The following SIAE variants were observed in gnomAD, a reference collection of about 807,000 sequenced individuals.
SIAE encodes the protein sialate O-acetylesterase.
Under a neutral mutation model 52.6 loss-of-function variants are expected in SIAE, and 39 were observed. The observed-to-expected ratio is 0.74, with a 90% CI of 0.57 to 0.97. The LOEUF (loss-of-function observed/expected upper bound fraction) is 0.97, where lower values mean the gene tolerates loss of function less well. SIAE is among the 50% of genes least tolerant of loss of function. The probability of loss-of-function intolerance (pLI) is 0.00; values close to 1 mark genes in which losing one functional copy is unlikely to be tolerated. For missense variants in SIAE, 592 were observed against 662.1 expected (o/e 0.89, Z 1.16); for synonymous variants, 233 against 241.4 (o/e 0.97, Z 0.32).
chr11:124,674,238 G>A (rs1943426674), upstream of SIAE: 1 of 152,226 alleles, frequency 6.6e-6, no homozygotes, highest in Non-Finnish European at 1.5e-5. Context: ...TGCTCCCTCA[G>A]AAAAAGCAAA....
At chr11:124,649,451 T>C (rs1942985876) in intron 5 of SIAE, among the ~76,000 whole-genome samples, 168 bp downstream of exon 5, 1 of 152,184 alleles carries the variant, frequency 6.6e-6, no homozygotes, top group Admixed American at 6.6e-5. Flanking sequence ...ACGATTGTGG[T>C]GGCAGTGACA....
At chr11:124,673,443 G>C (rs1943403619) in intron 1 of SIAE, among the ~76,000 whole-genome samples, 199 bp downstream of exon 1, 2 of 152,196 alleles carry the variant, frequency 1.3e-5, no homozygotes, top group African/African-American at 4.8e-5. Context: ...GTGGGGGGTG[G>C]AGAAAGTGGA....
rs1278212390 is a variant in SIAE, at chr11:124,633,916, C to T, written c.*3035G>A. On this transcript the variant is annotated 3_prime_UTR_variant, in exon 10 of 10. Transcript: ENST00000263593. ...AGAAAGACATTTAAAATTTTTGGAA[C>T]ATACCACATGTAGAAAGGTTGAACT... is the stretch of plus-strand genomic sequence containing the variant. The T allele has an allele frequency of 1.3e-5, 2 of 152,184 alleles. No homozygotes were observed. The highest frequency in any genetic ancestry group is 2.9e-5 in the Non-Finnish European group (2 of 68,046). 9.4% of individuals were successfully genotyped at this position (152,184 alleles called of 1,614,324 possible). A position where few individuals can be genotyped will look rare whatever the true frequency, so the allele number is the denominator to read the frequency against.
Position 124,635,537 on chromosome 11 carries a change from A to G in SIAE, c.*1414T>C, listed in dbSNP as rs1436043758. 1.3e-5 allele frequency: 2 copies of G among 152,230 alleles called. No homozygotes were observed. The highest frequency in any genetic ancestry group is 2.4e-5 in the African/African-American group (1 of 41,474). The allele number at this position is 152,230 out of a possible 1,614,324, so 9.4% of individuals were successfully genotyped here. A position where few individuals can be genotyped will look rare whatever the true frequency, so the allele number is the denominator to read the frequency against. On this transcript the variant is annotated 3_prime_UTR_variant, in exon 10 of 10. Transcript: ENST00000263593. ...AAAAAGTTCCTAAATTGGGGGAAAC[A>G]TAGTGAATTCCACATAATGTTTTAA...
chr11:124,647,587 G>A, intron 6 of SIAE, 89 bp from the exon 7 acceptor site: 10 of 1,499,158 alleles, frequency 6.7e-6, no homozygotes, highest in South Asian at 2.3e-5. Context: ...ATGCCCTGAG[G>A]TAGTGGTCTT....
chr11:124,654,431 T>C (rs1236369562), intron 4 of SIAE: 24 of 985,268 alleles, frequency 2.4e-5, no homozygotes, highest in Non-Finnish European at 2.3e-5. Flanking sequence ...ACTGAAGATG[T>C]TGAAGGAAGA....
At position 124,649,637 on chromosome 11, in the gene SIAE, CAGG is replaced by C. The variant is rs1179367122; in HGVS notation, c.701_703del (p.Ala234_Cys235delinsGly). ...GTCTTACCCTTGTTTAGGGACCCCA[CAGG>C]CTTTCAGTGACCGTCCAGATGACCA... On this transcript the variant is annotated inframe_deletion, in exon 5 of 10. Coordinates refer to ENST00000263593, the MANE Select transcript of SIAE (RefSeq NM_170601.5). 9 of 1,614,152 alleles carry C rather than the reference CAGG, an allele frequency of 5.6e-6. No homozygotes were observed. The South Asian group carries it at 9.9e-5, about 18-fold the overall frequency.
chr11:124,674,850 T>C (rs1254345406), upstream of SIAE: 2 of 153,930 alleles, frequency 1.3e-5, no homozygotes, highest in African/African-American at 4.8e-5. Flanking sequence ...TAAAAAAAAA[T>C]AGACCTCAAA....
rs188195886 is a variant in SIAE at position 124,637,148 on chromosome 11, C to T, written c.1375G>A (p.Val459Ile). The change falls in exon 10 of 10, where the codon GTC becomes ATC. Residue 459 changes from valine to isoleucine, a missense_variant. Coordinates refer to ENST00000263593, the MANE Select transcript of SIAE (RefSeq NM_170601.5). ...GCCAGGGTCAGGGACTGGGTGGAGA[C>T]GGTGTTCATAGAAGCTGGAAGCCAC... ...CKWLPASMNT[V>I]STQSLTLAID... The T allele has an allele frequency of 5.3e-5, 86 of 1,614,072 alleles. No homozygotes were observed. Among genetic ancestry groups the T allele is most frequent in the Middle Eastern group, 1.6e-4 (1 of 6,062 alleles).
In SIAE at chr11:124,670,695, C is replaced by T. The variant is rs956740342; in HGVS notation, c.68-1174G>A. Among the ~76,000 whole-genome samples, 5 of 152,158 alleles carry T rather than the reference C, an allele frequency of 3.3e-5. No individual in the cohort carries two copies. The highest frequency in any genetic ancestry group is 1.2e-4 in the African/African-American group (5 of 41,446). ...GCTAATGGAGTCGCCTACACAGCTC[C>T]GTGGCCTATTTATCCTGCTCTTGGA... On this transcript the variant is annotated intron_variant, in intron 1 of 9. Coordinates refer to ENST00000263593, the MANE Select transcript of SIAE (RefSeq NM_170601.5). The surrounding 1 kb of genome is among the most constrained non-coding windows in gnomAD (Gnocchi z 4.5).
rs572559188 is a variant in SIAE at position 124,669,453 on chromosome 11, C to G, written c.136G>C (p.Val46Leu). The G allele has an allele frequency of 1.2e-5, 19 of 1,614,138 alleles. No individual in the cohort carries two copies. The East Asian group carries it at 3.6e-4, about 30-fold the overall frequency. ...MVLQKEPAGAVIWGFGTPGAT... is the reference protein window; with the variant it reads ...MVLQKEPAGALIWGFGTPGAT... ...CCAGGTGTACCGAAGCCCCATATCA[C>G]TGCCCCAGCAGGCTCCTTCTGCAGC... The change falls in exon 2 of 10, where the codon GTG becomes CTG. Residue 46 changes from valine (V) to leucine (L), a missense_variant. Coordinates refer to ENST00000263593, the MANE Select transcript of SIAE (RefSeq NM_170601.5).
chr11:124,656,930 C>A (rs996512887), intron 3 of SIAE, among the ~76,000 whole-genome samples: 13 of 152,124 alleles, frequency 8.5e-5, no homozygotes, highest in Non-Finnish European at 1.5e-4. Flanking sequence ...TCGCTTTCCA[C>A]CCCCACCCAC....
At chr11:124,673,994 G>A (rs1247677462), upstream of SIAE, 1 of 490,388 alleles carries the variant, frequency 2.0e-6, no homozygotes, top group Non-Finnish European at 3.7e-6. Flanking sequence ...CCAAGACCTA[G>A]CCTTTTCCCT....
intron 2 of SIAE, among the ~76,000 whole-genome samples, chr11:124,661,929 G>A (rs1459245107): frequency 1.3e-5 from 2 of 152,314 alleles, no homozygotes; most frequent in East Asian, 3.9e-4. Flanking sequence ...ACACTGCAAA[G>A]TTCTTTCTAA....
intron 7 of SIAE, among the ~76,000 whole-genome samples, chr11:124,642,380 T>C (rs960904117): frequency 3.9e-5 from 6 of 152,208 alleles, no homozygotes; most frequent in South Asian, 2.1e-4. Context: ...GCCTAGGAGA[T>C]AGAGCAGTGA....
At chr11:124,664,706 C>G (rs1272372925) in intron 2 of SIAE, among the ~76,000 whole-genome samples, 1 of 152,156 alleles carries the variant, frequency 6.6e-6, no homozygotes, top group Non-Finnish European at 1.5e-5. Context: ...GAGACATAGT[C>G]ATAAAGTGCT....
chr11:124,638,251 C>T (rs1290852311), intron 9 of SIAE, among the ~76,000 whole-genome samples: 2 of 152,218 alleles, frequency 1.3e-5, no homozygotes, highest in Non-Finnish European at 2.9e-5. Context: ...GCTGCAGGCC[C>T]TGCCCTAGCA....
chr11:124,648,688 C>A (rs547937633), intron 5 of SIAE, among the ~76,000 whole-genome samples: 1 of 152,100 alleles, frequency 6.6e-6, no homozygotes, highest in Admixed American at 6.5e-5. Context: ...GCTCTGAACA[C>A]GTTCTCAAAT....
At chr11:124,668,149 C>G (rs1243980809) in intron 2 of SIAE, among the ~76,000 whole-genome samples, 2 of 152,194 alleles carry the variant, frequency 1.3e-5, no homozygotes, top group Non-Finnish European at 2.9e-5. Flanking sequence ...TCACACACCC[C>G]CCAGTGTTCC....
Sources: gnomAD v4.1 joint callset for allele counts (sites outside exome capture counted in the v4.1 genomes callset) on GRCh38, gnomAD v4.1.1 for gene constraint, Gnocchi (gnomAD v3.1) non-coding constraint, MANE v1.5 for transcripts, NCBI Gene and HGNC (gene_info 2026-07-23, HGNC 2026-07-21) for gene names.